COL6A3: variants seen among roughly 807,000 people sequenced by gnomAD.
The protein encoded by COL6A3 is collagen type VI alpha 3 chain, also known as collagen alpha-3(VI) chain.
A neutral mutation model predicts 274.1 loss-of-function variants in COL6A3; 137 were observed. That is an observed-to-expected ratio of 0.50 (90% CI 0.44 to 0.58). The LOEUF is 0.58. COL6A3 is among the 20% of genes least tolerant of loss of function. COL6A3 has a pLI of 0.00. For synonymous variants in COL6A3, 1,650 were observed against 1,650.6 expected (o/e 1.00, Z 0.01); for missense variants, 3,950 against 4,124.9 (o/e 0.96, Z 1.16).
At chr2:237,402,104 T>A (rs904196497) in intron 1 of COL6A3, among the ~76,000 whole-genome samples, 1 of 152,146 alleles carries the variant, frequency 6.6e-6, no homozygotes, top group Non-Finnish European at 1.5e-5. Flanking sequence ...TTATGCTAAG[T>A]GAAATAAGCC....
rs1271189336 is a variant in COL6A3 at position 237,344,116 on chromosome 2, A to G, written c.7668+234T>C. 6 of 630,752 alleles carry G rather than the reference A, an allele frequency of 9.5e-6. No homozygotes were observed. The highest frequency in any genetic ancestry group is 1.7e-5 in the Non-Finnish European group (6 of 353,752). The allele number at this position is 630,752 out of a possible 1,614,324, so 39.1% of individuals were successfully genotyped here. A position where few individuals can be genotyped will look rare whatever the true frequency, so the allele number is the denominator to read the frequency against. On this transcript the variant is annotated intron_variant, in intron 36 of 43. Coordinates refer to ENST00000295550, the MANE Select transcript of COL6A3 (RefSeq NM_004369.4). This position sits in a 1 kb window ranked among gnomAD's most constrained non-coding sequence, Gnocchi z 4.8. Reference sequence around the variant, plus strand: ...CATCACTAACCGGCAAGAGCTGTCAACATGTGAGGAGGGACCTGGGGGCAG... The same window carrying G: ...CATCACTAACCGGCAAGAGCTGTCAGCATGTGAGGAGGGACCTGGGGGCAG...
intron 38 of COL6A3, among the ~76,000 whole-genome samples, chr2:237,339,959 G>A (rs1399166274): frequency 6.6e-6 from 1 of 152,138 alleles, no homozygotes; most frequent in African/African-American, 2.4e-5. Flanking sequence ...CTGCTGAAGT[G>A]CGGTGGAGAG....
At chr2:237,346,142 A>C (rs1288370448) in intron 32 of COL6A3, among the ~76,000 whole-genome samples, 1 of 152,172 alleles carries the variant, frequency 6.6e-6, no homozygotes, top group Non-Finnish European at 1.5e-5. Flanking sequence ...TGTCAAACCA[A>C]GGCCTGGCAT....
In COL6A3 at chr2:237,325,603, G is replaced by C; in HGVS notation, c.9450C>G (p.Asn3150Lys). Residue 3150 changes from asparagine to lysine, a missense_variant, in exon 43 of 44, where the codon AAC (asparagine) becomes AAG (lysine). Around this residue, in one of 5 missense-constraint regions of COL6A3, gnomAD observed 1,284 missense variants for 1,349.7 expected, o/e 0.95. Coordinates refer to ENST00000295550, the MANE Select transcript of COL6A3 (RefSeq NM_004369.4). ...CACATTCTTTCTGTGATCCAAATTT[G>C]TTTTCGTTTCCACCACAACCTCCAT... is the stretch of plus-strand genomic sequence containing the variant. ...FWYGGCGGNE[N>K]KFGSQKECEK... 6.2e-7 allele frequency: 1 copy of C among 1,614,134 alleles called. No individual in the cohort carries two copies.
At chr2:237,345,846 G>C (rs549947622) in intron 32 of COL6A3, among the ~76,000 whole-genome samples, 5 of 152,258 alleles carry the variant, frequency 3.3e-5, no homozygotes, top group African/African-American at 1.2e-4. Flanking sequence ...CACCTGACCA[G>C]CTTTCTTTTC....
At chr2:237,348,855 CG>C (rs2077149653) in intron 28 of COL6A3, among the ~76,000 whole-genome samples, 192 bp from the exon 29 acceptor site, 1 of 152,136 alleles carries the variant, frequency 6.6e-6, no homozygotes, top group African/African-American at 2.4e-5. Flanking sequence ...TTTCTGTAGG[CG>C]GTGGGCTCAA....
Position 237,396,710 on chromosome 2 carries a change from A to T in COL6A3, c.91+17T>A, listed in dbSNP as rs1195192469. 6.2e-7 allele frequency: 1 copy of T among 1,612,674 alleles called. No homozygotes were observed. The highest frequency in any genetic ancestry group is 8.5e-7 in the Non-Finnish European group (1 of 1,178,770). ...GATATTCCTTTTTACAAAATCAAGGACGTTTCTGGCTCTTACCTGCTTGCT... is the reference window on the plus strand; with the variant it reads ...GATATTCCTTTTTACAAAATCAAGGTCGTTTCTGGCTCTTACCTGCTTGCT... On this transcript the variant is annotated intron_variant, in intron 2 of 43. Coordinates refer to ENST00000295550, the MANE Select transcript of COL6A3 (RefSeq NM_004369.4).
chr2:237,374,522 G>A lies in COL6A3; in HGVS notation c.3569C>T (p.Thr1190Ile). The A allele has an allele frequency of 6.2e-7, 1 of 1,614,220 alleles. No homozygotes were observed. ...FIPDFAVAIP[T>I]FRQLGTVQQV... ...TTGGACGGTCCCCAGCTGGCGAAAG[G>A]TGGGAATGGCCACGGCAAAGTCCGG... Residue 1190 changes from threonine (T) to isoleucine (I), a missense_variant, in exon 8 of 44, where the codon ACC becomes ATC. Around this residue, in one of 5 missense-constraint regions of COL6A3, gnomAD observed 1,934 missense variants for 1,984.3 expected, o/e 0.97. Transcript: ENST00000295550. This position sits in a 1 kb window ranked among gnomAD's most constrained non-coding sequence, Gnocchi z 4.8.
chr2:237,372,823 A>G (rs1448261750), intron 8 of COL6A3, among the ~76,000 whole-genome samples: 2 of 152,234 alleles, frequency 1.3e-5, no homozygotes, highest in Admixed American at 6.5e-5. Context: ...GAAGTGGCGC[A>G]TCAGAGAGGG....
chr2:237,368,813 T>C lies in COL6A3; in HGVS notation c.4650A>G (p.Gly1550=). ...ACCTGGACACATCGTCCTGGGATTT[T>C]CCACCCAGGACCAGGACCAGGTGTT... ...VPQHLVLVLG[G]KSQDDVSRFA... is the part of the protein sequence containing the mutation. Residue 1550 remains glycine, a synonymous_variant, in exon 10 of 44, where the codon GGA becomes GGG. Coordinates refer to ENST00000295550, the MANE Select transcript of COL6A3 (RefSeq NM_004369.4). This position sits in a 1 kb window ranked among gnomAD's most constrained non-coding sequence, Gnocchi z 4.4. 1 of 1,614,178 alleles carries C rather than the reference T, an allele frequency of 6.2e-7. No individual in the cohort carries two copies. Among genetic ancestry groups the C allele is most frequent in the Non-Finnish European group, 8.5e-7 (1 of 1,180,030 alleles).
At chr2:237,409,641 A>G (rs974135118) in intron 1 of COL6A3, among the ~76,000 whole-genome samples, 24 of 152,164 alleles carry the variant, frequency 1.6e-4, no homozygotes, top group African/African-American at 5.3e-4. Flanking sequence ...AGAGTCAGTA[A>G]TATATATTTG....
chr2:237,380,295 A>G (rs1275986336), intron 5 of COL6A3, among the ~76,000 whole-genome samples: 1 of 152,218 alleles, frequency 6.6e-6, no homozygotes, highest in Non-Finnish European at 1.5e-5. Flanking sequence ...AGTGAATTGT[A>G]TTTCTTCAAC....
Position 237,340,988 on chromosome 2 carries a change from G to A in COL6A3, c.7928C>T (p.Ala2643Val), listed in dbSNP as rs111595697. The A allele has an allele frequency of 1.6e-3, 2,662 of 1,614,164 alleles. 20 individuals carry two copies. The highest frequency in any genetic ancestry group is 0.013 in the African/African-American group (1,006 of 75,040). Residue 2643 changes from alanine to valine, a missense_variant, in exon 38 of 44, where the codon GCG becomes GTG. Coordinates refer to ENST00000295550, the MANE Select transcript of COL6A3 (RefSeq NM_004369.4). The stretch of plus-strand genomic sequence containing the variant: ...CATGTCCAGTTGTCTGACCAGGTAC[G>A]CTATGTACTTCTTCATCTCATTGAA... ...FQFNEMKKYI[A>V]YLVRQLDMSP...
Position 237,348,338 on chromosome 2 carries a change from G to A in COL6A3, c.6966+11C>T, listed in dbSNP as rs759912915. The A allele has an allele frequency of 9.3e-6, 15 of 1,605,398 alleles. No individual in the cohort carries two copies. Among genetic ancestry groups the A allele is most frequent in the Non-Finnish European group, 1.2e-5 (14 of 1,172,416 alleles). On this transcript the variant is annotated intron_variant, in intron 30 of 43. Transcript: ENST00000295550. Reference sequence around the variant, plus strand: ...ATCATGATGATGCTTCACCGACCAGGGATTATTTACCTTTGGTCCTGGGTA... The same window carrying A: ...ATCATGATGATGCTTCACCGACCAGAGATTATTTACCTTTGGTCCTGGGTA...
rs2077935195 is a variant in COL6A3 at position 237,379,159 on chromosome 2, C to T, written c.1974G>A (p.Val658=). 1 of 1,614,024 alleles carries T rather than the reference C, an allele frequency of 6.2e-7. No individual in the cohort carries two copies. The highest frequency in any genetic ancestry group is 1.3e-5 in the African/African-American group (1 of 74,912). The change falls in exon 6 of 44, where the codon GTG becomes GTA. Residue 658 remains valine, a synonymous_variant. Transcript: ENST00000295550. ...ANVGKTNFPY[V]RDFVMNLVNS... ...TAACTAGGTTCATTACAAAGTCGCG[C>T]ACATAAGGGAAATTGGTTTTTCCAA...
rs554176183 is a variant in COL6A3 at position 237,387,993 on chromosome 2, TGGA to T, written c.898_900del (p.Ser300del). Reference sequence around the variant, plus strand: ...ACTGCACCCAGAACCTGGGCCTTGGTGGAGTAGGTGTCCAAGGAGAACATGGTT... The same window carrying T: ...ACTGCACCCAGAACCTGGGCCTTGGTGTAGGTGTCCAAGGAGAACATGGTT... On this transcript the variant is annotated inframe_deletion, in exon 4 of 44. Coordinates refer to ENST00000295550, the MANE Select transcript of COL6A3 (RefSeq NM_004369.4). The T allele has an allele frequency of 6.4e-5, 104 of 1,614,068 alleles. No individual in the cohort carries two copies. The highest frequency in any genetic ancestry group is 8.6e-5 in the Non-Finnish European group (101 of 1,180,034).
At position 237,336,420 on chromosome 2, in the gene COL6A3, T is replaced by C. The variant is rs1700550272; in HGVS notation, c.8680A>G (p.Thr2894Ala). 3.1e-6 allele frequency: 5 copies of C among 1,613,444 alleles called. No individual in the cohort carries two copies. Among genetic ancestry groups the C allele is most frequent in the Non-Finnish European group, 4.2e-6 (5 of 1,180,042 alleles). Residue 2894 changes from threonine to alanine, a missense_variant, in exon 40 of 44, where the codon ACA becomes GCA. By Grantham distance (58) the Thr-to-Ala change is moderately conservative. Transcript: ENST00000295550. Reference protein sequence around the residue: ...TTTTKPVTTTTKPVTIINQPS... With the variant: ...TTTTKPVTTTAKPVTIINQPS... The stretch of plus-strand genomic sequence containing the variant: ...TGATTTATAATAGTCACAGGCTTTG[T>C]TGTGGTGGTTACAGGCTTTGTTGTG...
intron 4 of COL6A3, chr2:237,386,633 G>A (rs1286747761): frequency 1.3e-5 from 2 of 152,176 alleles, no homozygotes; most frequent in Non-Finnish European, 2.9e-5. Context: ...GAAGAATAAG[G>A]TCTTATAGTC....
chr2:237,351,016 G>T, intron 27 of COL6A3, 114 bp downstream of exon 27: 1 of 981,402 alleles, frequency 1.0e-6, no homozygotes, highest in South Asian at 1.3e-5. Flanking sequence ...AGGCTGGAGT[G>T]GGAACCAGTA....
Sources: allele counts gnomAD v4.1 joint callset (sites outside exome capture counted in the v4.1 genomes callset), GRCh38; gene constraint gnomAD v4.1.1; regional missense constraint gnomAD v4.1.1; non-coding constraint Gnocchi (gnomAD v3.1); transcripts MANE v1.5; gene names NCBI Gene and HGNC (gene_info 2026-07-23, HGNC 2026-07-21).